DCAF12L2: variants seen among roughly 807,000 people sequenced by gnomAD.
DCAF12L2 encodes the protein DDB1 and CUL4 associated factor 12 like 2.
In DCAF12L2, 16 loss-of-function variants were observed where a neutral mutation model predicts 20.2. The ratio of observed to expected loss-of-function variants is 0.79; its 90% CI spans 0.54 to 1.20. The LOEUF is 1.20. Ranked by LOEUF, DCAF12L2 falls within the 50% of genes most tolerant of loss-of-function variation. The probability of loss-of-function intolerance (pLI) is 0.00; values close to 1 mark genes in which losing one functional copy is unlikely to be tolerated. For synonymous variants in DCAF12L2, 195 were observed against 190.0 expected (o/e 1.03, Z -0.22); for missense variants, 355 against 404.8 (o/e 0.88, Z 1.06).
Position 126,164,529 on chromosome X carries a change from A to C in DCAF12L2, c.*4T>G. 1 of 1,196,052 alleles carries C rather than the reference A, an allele frequency of 8.4e-7. No homozygotes were observed. Among genetic ancestry groups the C allele is most frequent in the Non-Finnish European group, 1.1e-6 (1 of 888,219 alleles). On this transcript the variant is annotated 3_prime_UTR_variant, in exon 1 of 1. Transcript: ENST00000360028. ...TGTGCACTTTGAGAACAAGGCGTCC[A>C]TCCTTAACTCCAGAGGCCTGCGTAG...
chrX:126,165,520 G>A lies in DCAF12L2; in HGVS notation c.405C>T (p.Leu135=). 8.2e-7 allele frequency: 1 copy of A among 1,212,496 alleles called. No homozygotes were observed. The highest frequency in any genetic ancestry group is 1.1e-6 in the Non-Finnish European group (1 of 895,591). ...CCAGCCCGGCCTCCTTGTCCCGCAT[G>A]AGGGGGATGCGCGTGATGTGGCCTG... ...VQSGHITRIP[L]MRDKEAGLAQ... The change falls in exon 1 of 1, where the codon CTC becomes CTT. Residue 135 remains leucine, a synonymous_variant. Transcript: ENST00000360028.
At position 126,164,287 on chromosome X, in the gene DCAF12L2, G is replaced by C; in HGVS notation, c.*246C>G. The C allele has an allele frequency of 2.7e-6, 1 of 370,313 alleles. No individual in the cohort carries two copies. Among genetic ancestry groups the C allele is most frequent in the South Asian group, 7.6e-5 (1 of 13,074 alleles). The allele number at this position is 370,313 out of a possible 1,213,427, so 30.5% of individuals were successfully genotyped here. On this transcript the variant is annotated 3_prime_UTR_variant, in exon 1 of 1. Transcript: ENST00000360028. The stretch of plus-strand genomic sequence containing the variant: ...AATGAGAAGGCAAAAATATACTGCT[G>C]TTGGGAAACGTGAATGAGAGTTTTA...
In DCAF12L2 at chrX:126,166,097, A is replaced by G; in HGVS notation, c.-173T>C. 2 of 500,183 alleles carry G rather than the reference A, an allele frequency of 4.0e-6. No individual in the cohort carries two copies. Among genetic ancestry groups the G allele is most frequent in the South Asian group, 2.0e-4 (2 of 10,233 alleles). The allele number at this position is 500,183 out of a possible 1,213,427, so 41.2% of individuals were successfully genotyped here. Reference sequence around the variant, plus strand: ...TCTCTAAGACCAAGAAGCTGGTGCGATCGCGGGCGCCCAGACTTCAGTCTG... The same window carrying G: ...TCTCTAAGACCAAGAAGCTGGTGCGGTCGCGGGCGCCCAGACTTCAGTCTG... On this transcript the variant is annotated 5_prime_UTR_variant, in exon 1 of 1. Coordinates refer to ENST00000360028, the MANE Select transcript of DCAF12L2 (RefSeq NM_001013628.3).
Position 126,165,198 on chromosome X carries a change from C to T in DCAF12L2, c.727G>A (p.Ala243Thr). ...TCCACATCCCTCGGACGGATGTGGG[C>T]ATATACTGGGAGACCCACCTCGCTG... Reference protein sequence around the residue: ...WHSEVGLPVYAHIRPRDVEAI... With the variant: ...WHSEVGLPVYTHIRPRDVEAI... The change falls in exon 1 of 1, where the codon GCC (alanine) becomes ACC (threonine). Residue 243 changes from alanine (A) to threonine (T), a missense_variant. Coordinates refer to ENST00000360028, the MANE Select transcript of DCAF12L2 (RefSeq NM_001013628.3). 1 of 1,211,978 alleles carries T rather than the reference C, an allele frequency of 8.3e-7. No individual in the cohort carries two copies. The highest frequency in any genetic ancestry group is 1.1e-6 in the Non-Finnish European group (1 of 895,498).
In DCAF12L2 at chrX:126,165,067, G is replaced by A. The variant is rs886790542; in HGVS notation, c.858C>T (p.Phe286=). 5 of 1,210,897 alleles carry A rather than the reference G, an allele frequency of 4.1e-6. No individual in the cohort carries two copies. The African/African-American group carries it at 8.7e-5, about 21-fold the overall frequency. ...GTGTGCTCCGGGCTTTCCACAGGTG[G>A]AAGTAGCCGTCCAAGGACACCGCTC... is the stretch of plus-strand genomic sequence containing the variant. The part of the protein sequence containing the change: ...ELGAVSLDGY[F]HLWKARSTLS... Residue 286 remains phenylalanine, a synonymous_variant, in exon 1 of 1, where the codon TTC becomes TTT. Coordinates refer to ENST00000360028, the MANE Select transcript of DCAF12L2 (RefSeq NM_001013628.3).
rs1391294889 is a variant in DCAF12L2 at position 126,166,059 on chromosome X, C to G, written c.-135G>C. 28 of 670,239 alleles carry G rather than the reference C, an allele frequency of 4.2e-5. No individual in the cohort carries two copies. Among genetic ancestry groups the G allele is most frequent in the Non-Finnish European group, 4.8e-5 (27 of 564,306 alleles). 55.2% of individuals were successfully genotyped at this position (670,239 alleles called of 1,213,427 possible). A position where few individuals can be genotyped will look rare whatever the true frequency, so the allele number is the denominator to read the frequency against. ...GGGATGGCTGCGCTTCCGCGTCAGC[C>G]GAGAGCTCAGGATCTCTAAGACCAA... On this transcript the variant is annotated 5_prime_UTR_variant, in exon 1 of 1. Transcript: ENST00000360028.
Position 126,164,908 on chromosome X carries a change from C to G in DCAF12L2, c.1017G>C (p.Gln339His), listed in dbSNP as rs1293970164. 8.3e-7 allele frequency: 1 copy of G among 1,211,261 alleles called. No individual in the cohort carries two copies. Among genetic ancestry groups the G allele is most frequent in the African/African-American group, 1.7e-5 (1 of 57,654 alleles). ...VSFLDPRQRQ[Q>H]NIRPLCSREG... ...CTCGAGAGCACAGGGGCCGGATGTT[C>G]TGCTGGCGCTGGCGCGGATCCAGGA... The change falls in exon 1 of 1, where the codon CAG becomes CAC. Residue 339 changes from glutamine (Q) to histidine (H), a missense_variant. Physicochemically the swap from Gln to His is conservative, Grantham distance 24. Transcript: ENST00000360028.
At position 126,164,959 on chromosome X, in the gene DCAF12L2, A is replaced by G. The variant is rs189486852; in HGVS notation, c.966T>C (p.Ala322=). 7.7e-5 allele frequency: 93 copies of G among 1,211,285 alleles called. No homozygotes were observed. In the African/African-American group the frequency reaches 1.4e-3, roughly 18 times the overall value. ...AGGAGACGTGGGACTGAGAGCCCAC[A>G]GCGTACAGGGACAACTCATCACAGT... ...LTYCDELSLY[A]VGSQSHVSFL... The change falls in exon 1 of 1, where the codon GCT becomes GCC. Residue 322 remains alanine (A), a synonymous_variant. Coordinates refer to ENST00000360028, the MANE Select transcript of DCAF12L2 (RefSeq NM_001013628.3).
chrX:126,165,352 A>G lies in DCAF12L2; in HGVS notation c.573T>C (p.His191=). The change falls in exon 1 of 1, where the codon CAT becomes CAC. Residue 191 remains histidine (H), a synonymous_variant. Coordinates refer to ENST00000360028, the MANE Select transcript of DCAF12L2 (RefSeq NM_001013628.3). ...CTGCGAAGATCCAGTCCTTGTGGCC[A>G]TGGCGGTCGCCCAGGCACAGGGGGT... ...TLDPLCLGDR[H]GHKDWIFAVA... is the part of the protein sequence containing the mutation. The G allele has an allele frequency of 8.2e-7, 1 of 1,212,146 alleles. No homozygotes were observed. The highest frequency in any genetic ancestry group is 1.1e-6 in the Non-Finnish European group (1 of 895,616).
rs760582700 is a variant in DCAF12L2 at position 126,164,502 on chromosome X, C to T, written c.*31G>A. ...AAGTCAGGCGGAACTGAAAGGTAAA[C>T]CTGTGCACTTTGAGAACAAGGCGTC... On this transcript the variant is annotated 3_prime_UTR_variant, in exon 1 of 1. Coordinates refer to ENST00000360028, the MANE Select transcript of DCAF12L2 (RefSeq NM_001013628.3). The T allele has an allele frequency of 2.0e-5, 23 of 1,173,390 alleles. No homozygotes were observed. In the East Asian group the frequency reaches 6.6e-4, roughly 33 times the overall value.
In DCAF12L2 at chrX:126,164,250, C is replaced by A; in HGVS notation, c.*283G>T. On this transcript the variant is annotated 3_prime_UTR_variant, in exon 1 of 1. Coordinates refer to ENST00000360028, the MANE Select transcript of DCAF12L2 (RefSeq NM_001013628.3). ...AGACAGAACACAATTAAGGTTTAGCCAAAACTCTTTGAATGAGAAGGCAAA... is the reference window on the plus strand; with the variant it reads ...AGACAGAACACAATTAAGGTTTAGCAAAAACTCTTTGAATGAGAAGGCAAA... The A allele has an allele frequency of 3.0e-6, 1 of 328,954 alleles. No homozygotes were observed. Among genetic ancestry groups the A allele is most frequent in the Non-Finnish European group, 5.2e-6 (1 of 191,219 alleles). 27.1% of individuals were successfully genotyped at this position (328,954 alleles called of 1,213,427 possible).
chrX:126,164,902 G>T lies in DCAF12L2; in HGVS notation c.1023C>A (p.Ile341=). ...CACCCTCTCGAGAGCACAGGGGCCGGATGTTCTGCTGGCGCTGGCGCGGAT... is the reference window on the plus strand; with the variant it reads ...CACCCTCTCGAGAGCACAGGGGCCGTATGTTCTGCTGGCGCTGGCGCGGAT... The part of the protein sequence containing the change: ...FLDPRQRQQN[I]RPLCSREGGT... The change falls in exon 1 of 1, where the codon ATC becomes ATA. Residue 341 remains isoleucine (I), a synonymous_variant. Coordinates refer to ENST00000360028, the MANE Select transcript of DCAF12L2 (RefSeq NM_001013628.3). 1.6e-6 allele frequency: 2 copies of T among 1,212,392 alleles called. No homozygotes were observed. Among genetic ancestry groups the T allele is most frequent in the Non-Finnish European group, 2.2e-6 (2 of 895,624 alleles).
At position 126,165,978 on chromosome X, in the gene DCAF12L2, CG is replaced by C; in HGVS notation, c.-55del. The stretch of plus-strand genomic sequence containing the variant: ...GCGGCGGCGGCGGCGGCGGCGGCGG[CG>C]GCCCGGCGGCGGTGGCGGCGCGTGG... On this transcript the variant is annotated 5_prime_UTR_variant, in exon 1 of 1. Coordinates refer to ENST00000360028, the MANE Select transcript of DCAF12L2 (RefSeq NM_001013628.3). The C allele has an allele frequency of 1.3e-6, 1 of 799,551 alleles. No homozygotes were observed. Among genetic ancestry groups the C allele is most frequent in the East Asian group, 1.0e-4 (1 of 9,876 alleles). The allele number at this position is 799,551 out of a possible 1,213,427, so 65.9% of individuals were successfully genotyped here.
At position 126,165,824 on chromosome X, in the gene DCAF12L2, T is replaced by A. The variant is rs779260602; in HGVS notation, c.101A>T (p.Glu34Val). 8.3e-7 allele frequency: 1 copy of A among 1,206,650 alleles called. No individual in the cohort carries two copies. Among genetic ancestry groups the A allele is most frequent in the Non-Finnish European group, 1.1e-6 (1 of 894,593 alleles). The change falls in exon 1 of 1, where the codon GAG (glutamate) becomes GTG (valine). Residue 34 changes from glutamate to valine, a missense_variant. Glu to Val is a moderately radical substitution (Grantham distance 121). Coordinates refer to ENST00000360028, the MANE Select transcript of DCAF12L2 (RefSeq NM_001013628.3). ...CTGCTTCTTGGGTAGCAGAGGCCCC[T>A]CTCCGTCCGCCGCCGCTAAACCCTG... ...SSQGLAAADG[E>V]GPLLPKKQKR...
rs1408720953 is a variant in DCAF12L2 at position 126,164,366 on chromosome X, T to G, written c.*167A>C. The G allele has an allele frequency of 2.8e-5, 18 of 644,194 alleles. No homozygotes were observed. In the East Asian group the frequency reaches 5.6e-4, roughly 20 times the overall value. The allele number at this position is 644,194 out of a possible 1,213,427, so 53.1% of individuals were successfully genotyped here. A position where few individuals can be genotyped will look rare whatever the true frequency, so the allele number is the denominator to read the frequency against. On this transcript the variant is annotated 3_prime_UTR_variant, in exon 1 of 1. Coordinates refer to ENST00000360028, the MANE Select transcript of DCAF12L2 (RefSeq NM_001013628.3). ...CACTTGTGCTCTCTCGCTCCCGCTC[T>G]CTCTCTTTCTTTCTCTGCCTAATAC... is the stretch of plus-strand genomic sequence containing the variant.
In DCAF12L2 at chrX:126,165,236, C is replaced by G; in HGVS notation, c.689G>C (p.Ser230Thr). 3 of 1,212,159 alleles carry G rather than the reference C, an allele frequency of 2.5e-6. No homozygotes were observed. The highest frequency in any genetic ancestry group is 3.3e-6 in the Non-Finnish European group (3 of 895,548). Residue 230 changes from serine to threonine, a missense_variant, in exon 1 of 1, where the codon AGC becomes ACC. By Grantham distance (58) the Ser-to-Thr change is moderately conservative. Coordinates refer to ENST00000360028, the MANE Select transcript of DCAF12L2 (RefSeq NM_001013628.3). ...ACCCACCTCGCTGTGCCAGGCAATG[C>G]TGCCATTAAACATGTCTGGGTCCAT... is the stretch of plus-strand genomic sequence containing the variant. ...WRMDPDMFNG[S>T]IAWHSEVGLP...
chrX:126,165,516 G>A lies in DCAF12L2; in HGVS notation c.409C>T (p.Arg137Trp), dbSNP rs765247772. 1.6e-6 allele frequency: 2 copies of A among 1,212,373 alleles called. No homozygotes were observed. Among genetic ancestry groups the A allele is most frequent in the South Asian group, 1.8e-5 (1 of 57,043 alleles). Residue 137 changes from arginine (R) to tryptophan (W), a missense_variant, in exon 1 of 1, where the codon CGG (arginine) becomes TGG (tryptophan). Physicochemically the swap from Arg to Trp is moderately radical, Grantham distance 101 (BLOSUM62 -3). Coordinates refer to ENST00000360028, the MANE Select transcript of DCAF12L2 (RefSeq NM_001013628.3). ...SGHITRIPLM[R>W]DKEAGLAQAH... is the part of the protein sequence containing the mutation. ...TGGGCCAGCCCGGCCTCCTTGTCCC[G>A]CATGAGGGGGATGCGCGTGATGTGG...
rs768348348 is a variant in DCAF12L2, at chrX:126,165,051, G to A, written c.874C>T (p.Arg292Trp). 6.4e-5 allele frequency: 78 copies of A among 1,210,765 alleles called. No homozygotes were observed. The highest frequency in any genetic ancestry group is 4.1e-4 in the Admixed American group (19 of 45,969). ...LDGYFHLWKA[R>W]STLSRLLSIR... ...GACAGGAGCCTGGATAGTGTGCTCC[G>A]GGCTTTCCACAGGTGGAAGTAGCCG... The change falls in exon 1 of 1, where the codon CGG becomes TGG. Residue 292 changes from arginine (R) to tryptophan (W), a missense_variant. Arg to Trp is a moderately radical substitution (Grantham distance 101, BLOSUM62 -3). Coordinates refer to ENST00000360028, the MANE Select transcript of DCAF12L2 (RefSeq NM_001013628.3).
In DCAF12L2 at chrX:126,164,931, G is replaced by A. The variant is rs1355559334; in HGVS notation, c.994C>T (p.Leu332=). 5 of 1,212,383 alleles carry A rather than the reference G, an allele frequency of 4.1e-6. No homozygotes were observed. Among genetic ancestry groups the A allele is most frequent in the East Asian group, 5.9e-5 (2 of 33,841 alleles). ...AVGSQSHVSF[L]DPRQRQQNIR... ...TTCTGCTGGCGCTGGCGCGGATCCAGGAAGGAGACGTGGGACTGAGAGCCC... is the reference window on the plus strand; with the variant it reads ...TTCTGCTGGCGCTGGCGCGGATCCAAGAAGGAGACGTGGGACTGAGAGCCC... Residue 332 remains leucine, a synonymous_variant, in exon 1 of 1, where the codon CTG becomes TTG. Coordinates refer to ENST00000360028, the MANE Select transcript of DCAF12L2 (RefSeq NM_001013628.3).
Sources: gnomAD v4.1 joint callset for allele counts on GRCh38, gnomAD v4.1.1 for gene constraint, MANE v1.5 for transcripts, NCBI Gene and HGNC (gene_info 2026-07-23, HGNC 2026-07-21) for gene names.